MSI2: variants seen among roughly 807,000 people sequenced by gnomAD.
The protein encoded by MSI2 is RNA-binding protein Musashi homolog 2.
In MSI2, 17 loss-of-function variants were observed where a neutral mutation model predicts 45.6. That is an observed-to-expected ratio of 0.37 (90% CI 0.26 to 0.56). The LOEUF (loss-of-function observed/expected upper bound fraction) is 0.56, where lower values mean the gene tolerates loss of function less well. Among genes scored for constraint, MSI2 ranks in the 20% least tolerant of loss-of-function variants. The probability of loss-of-function intolerance (pLI) is 0.77; values close to 1 mark genes in which losing one functional copy is unlikely to be tolerated. For synonymous variants in MSI2, 156 were observed against 158.2 expected, an observed-to-expected ratio of 0.99 and a Z score of 0.11; for missense variants, 293 against 444.2, an observed-to-expected ratio of 0.66 and a Z score of 3.06.
intron 10 of MSI2, among the ~76,000 whole-genome samples, chr17:57,634,423 G>A (rs571590249): frequency 2.0e-5 from 3 of 151,984 alleles, no homozygotes; most frequent in African/African-American, 7.2e-5. Flanking sequence ...CTGAGATCAC[G>A]CGGTTGCACT....
At chr17:57,325,750 A>G (rs1199359600) in intron 5 of MSI2, among the ~76,000 whole-genome samples, 3 of 151,858 alleles carry the variant, frequency 2.0e-5, no homozygotes, top group African/African-American at 7.3e-5. Context: ...ACCCAGGGGG[A>G]TTTTAGGAAA....
At chr17:57,289,077 T>C (rs1162768069) in intron 5 of MSI2, among the ~76,000 whole-genome samples, 1 of 152,184 alleles carries the variant, frequency 6.6e-6, no homozygotes, top group Non-Finnish European at 1.5e-5. Context: ...TCTGCATGGA[T>C]TGGAACCTGG....
rs1907353264 is a variant in MSI2, at chr17:57,262,018, T to C, written c.271-133T>C. The C allele has an allele frequency of 8.9e-6, 8 of 893,924 alleles. No individual in the cohort carries two copies. The South Asian group carries it at 1.2e-4, about 13-fold the overall frequency. The allele number at this position is 893,924 out of a possible 1,614,324, so 55.4% of individuals were successfully genotyped here. ...GTTGAGATCAAAGTTTAAGAAACTT[T>C]TGAGTTGCCTGAGAAGTTACTAAAA... On this transcript the variant is annotated intron_variant, in intron 4 of 13. Transcript: ENST00000284073.
intron 5 of MSI2, chr17:57,264,569 G>T (rs963039373): frequency 6.6e-6 from 1 of 152,200 alleles, no homozygotes; most frequent in Non-Finnish European, 1.5e-5. Flanking sequence ...CCTGTGAGAG[G>T]TTGAGTAATA....
At chr17:57,603,599 C>A (rs549444272) in intron 8 of MSI2, among the ~76,000 whole-genome samples, 22 of 152,350 alleles carry the variant, frequency 1.4e-4, no homozygotes, top group African/African-American at 4.6e-4. Flanking sequence ...GATAACTTCA[C>A]GTTTCCCCCA....
rs1479545028 is a variant in MSI2 at position 57,407,200 on chromosome 17, T to TA, written c.405+5729_405+5730insA. On this transcript the variant is annotated intron_variant, in intron 6 of 13. Transcript: ENST00000284073. The surrounding 1 kb of genome is among the most constrained non-coding windows in gnomAD (Gnocchi z 4.1). ...TTTTAATGTAATGAGACCTTCCCGT[T>TA]TATCCGGCCAGCGTGGGCGATTGTG... 6.6e-6 allele frequency among the ~76,000 whole-genome samples: 1 copy of TA among 152,150 alleles called. No individual in the cohort carries two copies. Among genetic ancestry groups the TA allele is most frequent in the Non-Finnish European group, 1.5e-5 (1 of 68,030 alleles).
chr17:57,500,790 CAAAAA>C (rs58479533), intron 6 of MSI2, among the ~76,000 whole-genome samples: 5 of 107,120 alleles, frequency 4.7e-5, no homozygotes. Context: ...CTGTCTCTAC[CAAAAA>C]AAAAAAAAAA....
chr17:57,609,512 A>G (rs1907016230), intron 8 of MSI2, among the ~76,000 whole-genome samples: 1 of 152,268 alleles, frequency 6.6e-6, no homozygotes, highest in African/African-American at 2.4e-5. Flanking sequence ...CTTCAGGCCA[A>G]ACAGGCTTTC....
intron 10 of MSI2, chr17:57,632,890 A>C (rs151207956): frequency 9.4e-7 from 1 of 1,061,794 alleles, no homozygotes; most frequent in Non-Finnish European, 1.1e-6. Flanking sequence ...CTCATTAAAG[A>C]TGCTTGATGT....
chr17:57,506,002 T>C (rs960658221), intron 6 of MSI2, among the ~76,000 whole-genome samples: 1 of 152,220 alleles, frequency 6.6e-6, no homozygotes, highest in Non-Finnish European at 1.5e-5. Context: ...CTCCAGACTC[T>C]CTTTAAAACA....
downstream of MSI2, among the ~76,000 whole-genome samples, chr17:57,686,110 C>T (rs1421784868): frequency 2.0e-5 from 3 of 152,016 alleles, no homozygotes; most frequent in African/African-American, 7.3e-5. Context: ...AGAATGAAAC[C>T]CCATCTCCCA....
intron 9 of MSI2, among the ~76,000 whole-genome samples, chr17:57,623,296 C>T (rs553994515): frequency 6.6e-6 from 1 of 152,110 alleles, no homozygotes; most frequent in Non-Finnish European, 1.5e-5. Flanking sequence ...TCTCTTGTCT[C>T]TTTCAAGTCT....
At chr17:57,371,566 C>T (rs924426275) in intron 5 of MSI2, among the ~76,000 whole-genome samples, 1 of 120,268 alleles carries the variant, frequency 8.3e-6, no homozygotes, top group African/African-American at 3.0e-5. Flanking sequence ...CACACACACA[C>T]ACACAAATCA....
intron 7 of MSI2, among the ~76,000 whole-genome samples, chr17:57,533,475 T>TA (rs988809243): frequency 1.3e-5 from 2 of 152,184 alleles, no homozygotes; most frequent in Non-Finnish European, 2.9e-5. Context: ...GTTCTTCCTC[T>TA]AAAAAATAAG....
chr17:57,426,095 A>G (rs16958361), intron 6 of MSI2, among the ~76,000 whole-genome samples: 5,380 of 152,308 alleles, frequency 0.035, 112 homozygotes, highest in Middle Eastern at 0.085. Flanking sequence ...AGATACATGC[A>G]GGAGAGTTTC....
At chr17:57,586,160 T>C (rs2088341019) in intron 7 of MSI2, among the ~76,000 whole-genome samples, 1 of 152,246 alleles carries the variant, frequency 6.6e-6, no homozygotes, top group Non-Finnish European at 1.5e-5. Context: ...ATCACTGCTA[T>C]AGAGCGCACT....
intron 6 of MSI2, among the ~76,000 whole-genome samples, chr17:57,425,043 G>A (rs1179938204): frequency 2.6e-5 from 4 of 152,214 alleles, no homozygotes; most frequent in Non-Finnish European, 4.4e-5. Flanking sequence ...GACTCAGGAA[G>A]CACTTGGAAT....
Position 57,296,094 on chromosome 17 carries a change from C to T in MSI2, c.312+33902C>T, listed in dbSNP as rs190636484. The stretch of plus-strand genomic sequence containing the variant: ...TCTGGTCATCACAGCTGACTACCTG[C>T]TTAATGTTTGCATATAGATATTTCA... On this transcript the variant is annotated intron_variant, in intron 5 of 13. Coordinates refer to ENST00000284073, the MANE Select transcript of MSI2 (RefSeq NM_138962.4). Among the ~76,000 whole-genome samples, 108 of 131,666 alleles carry T rather than the reference C, an allele frequency of 8.2e-4. No individual in the cohort carries two copies. In the East Asian group the frequency reaches 0.015, roughly 18 times the overall value. 86.4% of individuals were successfully genotyped at this position (131,666 alleles called of 152,430 possible).
intron 6 of MSI2, among the ~76,000 whole-genome samples, chr17:57,415,880 G>C (rs1217148367): frequency 6.6e-6 from 1 of 152,114 alleles, no homozygotes; most frequent in African/African-American, 2.4e-5. Context: ...GATCCTCCTA[G>C]ATTTAACCCA....
Sources: gnomAD v4.1 joint callset for allele counts (sites outside exome capture counted in the v4.1 genomes callset) on GRCh38, gnomAD v4.1.1 for gene constraint, Gnocchi (gnomAD v3.1) non-coding constraint, MANE v1.5 for transcripts, NCBI Gene and HGNC (gene_info 2026-07-23, HGNC 2026-07-21) for gene names.